Variants in STX11 observed in about 807,000 individuals in gnomAD.
The protein encoded by STX11 is syntaxin-11.
In STX11, 21 loss-of-function variants were observed where a neutral mutation model predicts 19.9. That is an observed-to-expected ratio of 1.06 (90% CI 0.75 to 1.52). The LOEUF (loss-of-function observed/expected upper bound fraction) is 1.52, where lower values mean the gene tolerates loss of function less well. Among genes scored for constraint, STX11 ranks in the 40% most tolerant of loss-of-function variants. The pLI, the probability that STX11 is intolerant of heterozygous loss-of-function variation, is 0.00. For synonymous variants in STX11, 193 were observed against 174.4 expected, an observed-to-expected ratio of 1.11 and a Z score of -0.84; for missense variants, 438 against 405.9, an observed-to-expected ratio of 1.08 and a Z score of -0.68.
chr6:144,170,459 G>A lies in STX11; in HGVS notation c.-5-16164G>A, dbSNP rs1801599999. Among the ~76,000 whole-genome samples the A allele has an allele frequency of 6.6e-6, 1 of 152,138 alleles. No homozygotes were observed. Among genetic ancestry groups the A allele is most frequent in the African/African-American group, 2.4e-5 (1 of 41,410 alleles). On this transcript the variant is annotated intron_variant, in intron 1 of 1. Transcript: ENST00000367568. This position sits in a 1 kb window ranked among gnomAD's most constrained non-coding sequence, Gnocchi z 4.7. Reference sequence around the variant, plus strand: ...GGACACTGAGTAAATTGTGTGTTATGTACTTGTGTTTTGACTGCGACTTGT... The same window carrying A: ...GGACACTGAGTAAATTGTGTGTTATATACTTGTGTTTTGACTGCGACTTGT...
chr6:144,186,845 T>A lies in STX11; in HGVS notation c.218T>A (p.Leu73His). ...CTGGGAAAGCAGAACGCCCGCTTCC[T>A]CACGTCCATGCGGCGCCTCAGCAGC... ...KRLGKQNARF[L>H]TSMRRLSSIK... Residue 73 changes from leucine to histidine, a missense_variant, in exon 2 of 2, where the codon CTC becomes CAC. Physicochemically the swap from Leu to His is moderately conservative, Grantham distance 99. Transcript: ENST00000367568. 6.2e-7 allele frequency: 1 copy of A among 1,613,174 alleles called. No individual in the cohort carries two copies. Among genetic ancestry groups the A allele is most frequent in the Non-Finnish European group, 8.5e-7 (1 of 1,179,964 alleles).
rs1196768655 is a variant in STX11, at chr6:144,172,196, A to G, written c.-5-14427A>G. On this transcript the variant is annotated intron_variant, in intron 1 of 1. Coordinates refer to ENST00000367568, the MANE Select transcript of STX11 (RefSeq NM_003764.4). The surrounding 1 kb of genome is among the most constrained non-coding windows in gnomAD (Gnocchi z 4.2). ...CCCAAATAACAATTTTCTATTTCTC[A>G]TGGGTGCAAGGATTAAATGAGATAA... Among the ~76,000 whole-genome samples the G allele has an allele frequency of 6.6e-6, 1 of 152,202 alleles. No individual in the cohort carries two copies. The highest frequency in any genetic ancestry group is 2.1e-4 in the South Asian group (1 of 4,830).
At chr6:144,143,893 C>T in the STX11 span, among the ~76,000 whole-genome samples, 1 of 152,164 alleles carries the variant, frequency 6.6e-6, no homozygotes, top group Non-Finnish European at 1.5e-5. Flanking sequence ...TCCTTATAGG[C>T]ATTAAATTTT....
In STX11 at chr6:144,184,373, C is replaced by T. The variant is rs1483565969; in HGVS notation, c.-5-2250C>T. On this transcript the variant is annotated intron_variant, in intron 1 of 1. Transcript: ENST00000367568. The surrounding 1 kb of genome is among the most constrained non-coding windows in gnomAD (Gnocchi z 6.5). ...ACCATCAGCATCTGTTGTTTCTTGA[C>T]ATTTTAATAGTCACCATTCTGACTG... 6.6e-6 allele frequency among the ~76,000 whole-genome samples: 1 copy of T among 152,198 alleles called. No homozygotes were observed. Among genetic ancestry groups the T allele is most frequent in the Non-Finnish European group, 1.5e-5 (1 of 68,038 alleles).
In STX11 at chr6:144,160,111, T is replaced by C. The variant is rs1801296237; in HGVS notation, c.-6+9408T>C. 6.6e-6 allele frequency among the ~76,000 whole-genome samples: 1 copy of C among 152,212 alleles called. No individual in the cohort carries two copies. The highest frequency in any genetic ancestry group is 2.1e-4 in the South Asian group (1 of 4,830). On this transcript the variant is annotated intron_variant, in intron 1 of 1. Coordinates refer to ENST00000367568, the MANE Select transcript of STX11 (RefSeq NM_003764.4). The surrounding 1 kb of genome is among the most constrained non-coding windows in gnomAD (Gnocchi z 4.3). Reference sequence around the variant, plus strand: ...TCCGCCTCCCGGGTTCAAGTGATTCTCCTGCCTCAGCTTCCTAAGTAGCTA... The same window carrying C: ...TCCGCCTCCCGGGTTCAAGTGATTCCCCTGCCTCAGCTTCCTAAGTAGCTA...
Position 144,151,491 on chromosome 6 carries a change from G to A in STX11, c.-6+788G>A. ...TGAAAAGCGAGGCTTGCTTTAAAAT[G>A]AGACTCTAGATGTGAAATGCCTGCC... On this transcript the variant is annotated intron_variant, in intron 1 of 1. Transcript: ENST00000367568. This position sits in a 1 kb window ranked among gnomAD's most constrained non-coding sequence, Gnocchi z 4.6. 3.2e-6 allele frequency: 3 copies of A among 945,274 alleles called. No individual in the cohort carries two copies. Among genetic ancestry groups the A allele is most frequent in the Non-Finnish European group, 3.8e-6 (3 of 793,348 alleles). The allele number at this position is 945,274 out of a possible 1,614,324, so 58.6% of individuals were successfully genotyped here. A position where few individuals can be genotyped will look rare whatever the true frequency, so the allele number is the denominator to read the frequency against.
At chr6:144,144,928 C>T in the STX11 span, among the ~76,000 whole-genome samples, 1 of 152,114 alleles carries the variant, frequency 6.6e-6, no homozygotes, top group African/African-American at 2.4e-5. Flanking sequence ...ACACTGGAAC[C>T]CTTGGGCATT....
At position 144,151,337 on chromosome 6, in the gene STX11, T is replaced by C; in HGVS notation, c.-6+634T>C. 1 of 985,466 alleles carries C rather than the reference T, an allele frequency of 1.0e-6. No individual in the cohort carries two copies. Among genetic ancestry groups the C allele is most frequent in the Non-Finnish European group, 1.2e-6 (1 of 829,934 alleles). 61.0% of individuals were successfully genotyped at this position (985,466 alleles called of 1,614,324 possible). On this transcript the variant is annotated intron_variant, in intron 1 of 1. Coordinates refer to ENST00000367568, the MANE Select transcript of STX11 (RefSeq NM_003764.4). This position sits in a 1 kb window ranked among gnomAD's most constrained non-coding sequence, Gnocchi z 4.6. ...CCGCTGACACCAGCTGAGATCTGTATTACTTCCTGTGGTTCTCACGCACTT... is the reference window on the plus strand; with the variant it reads ...CCGCTGACACCAGCTGAGATCTGTACTACTTCCTGTGGTTCTCACGCACTT...
At chr6:144,156,048 T>G in intron 1 of STX11, among the ~76,000 whole-genome samples, 1 of 91,922 alleles carries the variant, frequency 1.1e-5, no homozygotes, top group East Asian at 3.1e-4. Context: ...CCTTCCTTCC[T>G]TCCCCTCCCC....
rs1370357604 is a variant in STX11, at chr6:144,162,543, G to C, written c.-6+11840G>C. Among the ~76,000 whole-genome samples, 1 of 152,198 alleles carries C rather than the reference G, an allele frequency of 6.6e-6. No individual in the cohort carries two copies. The highest frequency in any genetic ancestry group is 1.5e-5 in the Non-Finnish European group (1 of 68,048). On this transcript the variant is annotated intron_variant, in intron 1 of 1. Coordinates refer to ENST00000367568, the MANE Select transcript of STX11 (RefSeq NM_003764.4). The surrounding 1 kb of genome is among the most constrained non-coding windows in gnomAD (Gnocchi z 4.6). ...TTCAAAAATGCAAATATGCTTTCTT[G>C]ATGGAGCAGTATATTAAGCTATTAG... is the stretch of plus-strand genomic sequence containing the variant.
At chr6:144,148,497 A>T (rs1800919711), upstream of STX11, among the ~76,000 whole-genome samples, 1 of 147,128 alleles carries the variant, frequency 6.8e-6, no homozygotes, top group Admixed American at 6.6e-5. Context: ...GATTTACAGA[A>T]CAACTGCAAA....
the STX11 span, among the ~76,000 whole-genome samples, chr6:144,140,254 A>ATATTT: frequency 7.7e-5 from 3 of 38,878 alleles, no homozygotes; most frequent in African/African-American, 4.0e-4. Flanking sequence ...ATATATATAT[A>ATATTT]TTTATTTATT....
At chr6:144,141,978 G>A in the STX11 span, among the ~76,000 whole-genome samples, 1 of 151,822 alleles carries the variant, frequency 6.6e-6, no homozygotes, top group Non-Finnish European at 1.5e-5. Flanking sequence ...CACTGCGCCC[G>A]GCCTCTTCTG....
upstream of STX11, among the ~76,000 whole-genome samples, chr6:144,148,924 T>C (rs574463911): frequency 6.6e-6 from 1 of 152,320 alleles, no homozygotes; most frequent in Admixed American, 6.5e-5. Context: ...ACCTGACAAC[T>C]TTGAGGAATA....
upstream of STX11, among the ~76,000 whole-genome samples, chr6:144,148,350 G>A (rs1800916295): frequency 6.6e-6 from 1 of 152,148 alleles, no homozygotes; most frequent in African/African-American, 2.4e-5. Flanking sequence ...AATCCCAATA[G>A]CTGCATTGTT....
the STX11 span, among the ~76,000 whole-genome samples, chr6:144,141,268 G>A: frequency 1.3e-5 from 2 of 151,360 alleles, no homozygotes; most frequent in African/African-American, 2.5e-5. Flanking sequence ...ATTTGTATAC[G>A]TTAGAGCAAC....
At chr6:144,150,145 G>C (rs1240235144), upstream of STX11, among the ~76,000 whole-genome samples, 1 of 152,156 alleles carries the variant, frequency 6.6e-6, no homozygotes, top group Non-Finnish European at 1.5e-5. Context: ...GCTCAGAGAC[G>C]GCTTCCAGCG....
chr6:144,146,712 G>A (rs78981311), upstream of STX11, among the ~76,000 whole-genome samples: 15,781 of 152,032 alleles, frequency 0.1, 1,401 homozygotes, highest in African/African-American at 0.24. This position sits in a 1 kb window ranked among gnomAD's most constrained non-coding sequence, Gnocchi z 4.4. Flanking sequence ...ATGCACCACC[G>A]CACCCGGCTA....
At position 144,160,907 on chromosome 6, in the gene STX11, C is replaced by T. The variant is rs1188241840; in HGVS notation, c.-6+10204C>T. ...TGCCATGTATTTTCATATCTTTCCT[C>T]ACCCCCTTTGGCATATTCCTTGGTT... On this transcript the variant is annotated intron_variant, in intron 1 of 1. Transcript: ENST00000367568. The surrounding 1 kb of genome is among the most constrained non-coding windows in gnomAD (Gnocchi z 4.3). Among the ~76,000 whole-genome samples, 1 of 152,216 alleles carries T rather than the reference C, an allele frequency of 6.6e-6. No individual in the cohort carries two copies. The highest frequency in any genetic ancestry group is 2.4e-5 in the African/African-American group (1 of 41,446).
Sources: gnomAD v4.1 joint callset for allele counts (sites outside exome capture counted in the v4.1 genomes callset) on GRCh38, gnomAD v4.1.1 for gene constraint, Gnocchi (gnomAD v3.1) non-coding constraint, MANE v1.5 for transcripts, NCBI Gene and HGNC (gene_info 2026-07-23, HGNC 2026-07-21) for gene names.